Variants in CASQ2 observed in about 807,000 individuals in gnomAD.
CASQ2 encodes the protein calsequestrin 2.
CASQ2 carries 49 observed loss-of-function variants against 46.5 expected under a neutral mutation model. The observed-to-expected ratio is 1.05, with a 90% CI of 0.84 to 1.34. The LOEUF is 1.34. Ranked by LOEUF, CASQ2 falls within the 40% of genes most tolerant of loss-of-function variation. The probability of loss-of-function intolerance (pLI) is 0.00; values close to 1 mark genes in which losing one functional copy is unlikely to be tolerated. For synonymous variants in CASQ2, 174 were observed against 168.5 expected (o/e 1.03, Z -0.25); for missense variants, 486 against 481.3 (o/e 1.01, Z -0.09).
chr1:115,712,612 T>G (rs961223685), intron 8 of CASQ2, among the ~76,000 whole-genome samples: 9 of 152,162 alleles, frequency 5.9e-5, no homozygotes, highest in African/African-American at 1.7e-4. Context: ...GTTAAGTGCT[T>G]GGAATAACAT....
At chr1:115,715,270 C>T (rs4275457) in intron 8 of CASQ2, among the ~76,000 whole-genome samples, 84,616 of 152,024 alleles carry the variant, frequency 0.56, 23,704 homozygotes, top group East Asian at 0.65. Flanking sequence ...CTAGCTTTTT[C>T]TTGAGAGGTG....
intron 9 of CASQ2, 117 bp from the exon 10 acceptor site, chr1:115,703,112 C>T: frequency 1.3e-6 from 1 of 769,820 alleles, no homozygotes; most frequent in Non-Finnish European, 2.3e-6. Flanking sequence ...TTCAAAACAG[C>T]TGTGAGCACT....
At position 115,701,252 on chromosome 1, in the gene CASQ2, C is replaced by G; in HGVS notation, c.1189G>C (p.Asp397His). Residue 397 changes from aspartate to histidine, a missense_variant, in exon 11 of 11, where the codon GAT (aspartate) becomes CAT (histidine). Transcript: ENST00000261448. ...EEDNDDSDDD[D>H]DE ...TGTTTGGAGTTGGGCTATTCATCAT[C>G]ATCGTCATCACTGTCATCATTATCC... is the stretch of plus-strand genomic sequence containing the variant. 1.2e-6 allele frequency: 2 copies of G among 1,611,608 alleles called. No homozygotes were observed. Among genetic ancestry groups the G allele is most frequent in the Non-Finnish European group, 1.7e-6 (2 of 1,177,822 alleles).
chr1:115,701,304 A>G lies in CASQ2; in HGVS notation c.1137T>C (p.Asp379=), dbSNP rs776130201. ...CTTCATCAGAATTATCATCATCATC[A>G]TCATCTTCATCATCATCTTCAGTGT... The part of the protein sequence containing the change: ...KINTEDDDED[D]DDDDNSDEED... Residue 379 remains aspartate (D), a synonymous_variant, in exon 11 of 11, where the codon GAT becomes GAC. Transcript: ENST00000261448. The G allele has an allele frequency of 1.3e-6, 2 of 1,595,644 alleles. No individual in the cohort carries two copies. Among genetic ancestry groups the G allele is most frequent in the East Asian group, 4.5e-5 (2 of 44,786 alleles).
At position 115,754,677 on chromosome 1, in the gene CASQ2, C is replaced by T. The variant is rs141462355; in HGVS notation, c.235-9765G>A. Among the ~76,000 whole-genome samples the T allele has an allele frequency of 8.4e-3, 1,277 of 152,288 alleles. 17 individuals carry two copies. Among genetic ancestry groups the T allele is most frequent in the African/African-American group, 0.028 (1,177 of 41,534 alleles). On this transcript the variant is annotated intron_variant, in intron 1 of 10. Transcript: ENST00000261448. ...CAGAGCCCGAACTTTCATCTGTTAC[C>T]TTTTGTTCCTATACCTGGGCCTCTG...
chr1:115,728,380 CA>C (rs1326604419), intron 5 of CASQ2, among the ~76,000 whole-genome samples: 7 of 152,142 alleles, frequency 4.6e-5, no homozygotes, highest in Admixed American at 1.3e-4. Context: ...CAGCTATAGT[CA>C]GTCAAGGGAG....
intron 1 of CASQ2, among the ~76,000 whole-genome samples, chr1:115,746,365 T>C (rs968212283): frequency 6.6e-6 from 1 of 152,190 alleles, no homozygotes; most frequent in Non-Finnish European, 1.5e-5. Flanking sequence ...AATTGCTGGG[T>C]TGTATGGCAG....
chr1:115,729,119 G>A (rs577603326), intron 5 of CASQ2, among the ~76,000 whole-genome samples: 38 of 139,116 alleles, frequency 2.7e-4, no homozygotes, highest in South Asian at 2.0e-3. Flanking sequence ...GCACAGTCTC[G>A]GCTCACTGCA....
At position 115,725,568 on chromosome 1, in the gene CASQ2, AAAAAAAAAAAAAG is replaced by A; in HGVS notation, c.738-28_738-16del. The stretch of plus-strand genomic sequence containing the variant: ...GTAGAGTGGGTCTGGAAAAAAAAAA[AAAAAAAAAAAAAG>A]AAAGAGCTTCCTTGAGTAGGGATCA... On this transcript the variant is annotated splice_polypyrimidine_tract_variant and intron_variant, in intron 6 of 10. Coordinates refer to ENST00000261448, the MANE Select transcript of CASQ2 (RefSeq NM_001232.4). 1 of 1,602,658 alleles carries A rather than the reference AAAAAAAAAAAAAG, an allele frequency of 6.2e-7. No homozygotes were observed. The highest frequency in any genetic ancestry group is 1.1e-5 in the South Asian group (1 of 89,794).
rs931249746 is a variant in CASQ2, at chr1:115,702,825, G to T, written c.1014+96C>A. On this transcript the variant is annotated intron_variant, in intron 10 of 10. Coordinates refer to ENST00000261448, the MANE Select transcript of CASQ2 (RefSeq NM_001232.4). ...AGGACCCCTGCCCTCTTCTGAAAAGGCTGGGCTACTATAGATGCTCTCACA... is the reference window on the plus strand; with the variant it reads ...AGGACCCCTGCCCTCTTCTGAAAAGTCTGGGCTACTATAGATGCTCTCACA... 6.3e-6 allele frequency: 6 copies of T among 957,656 alleles called. No homozygotes were observed. In the African/African-American group the frequency reaches 8.0e-5, roughly 13 times the overall value. The allele number at this position is 957,656 out of a possible 1,614,324, so 59.3% of individuals were successfully genotyped here. A position where few individuals can be genotyped will look rare whatever the true frequency, so the allele number is the denominator to read the frequency against.
intron 6 of CASQ2, 51 bp from the exon 7 acceptor site, chr1:115,725,604 T>G (rs1333437283): frequency 3.2e-6 from 5 of 1,556,752 alleles, no homozygotes; most frequent in Non-Finnish European, 4.3e-6. Flanking sequence ...TGAGTAGGGA[T>G]CACTGTGGCA....
chr1:115,724,859 A>G (rs1647522599), intron 7 of CASQ2, among the ~76,000 whole-genome samples: 1 of 152,168 alleles, frequency 6.6e-6, no homozygotes, highest in Non-Finnish European at 1.5e-5. Flanking sequence ...CAGATTCTGG[A>G]CTTGAACCCT....
At chr1:115,755,493 A>G (rs1226550739) in intron 1 of CASQ2, among the ~76,000 whole-genome samples, 1 of 152,230 alleles carries the variant, frequency 6.6e-6, no homozygotes, top group Non-Finnish European at 1.5e-5. Flanking sequence ...GAGAGGCCTC[A>G]TGAATGTAAA....
intron 5 of CASQ2, chr1:115,732,081 A>G (rs1647805892): frequency 6.6e-6 from 1 of 151,642 alleles, no homozygotes; most frequent in African/African-American, 2.4e-5. Context: ...CACCCAGCTA[A>G]TTTTTGTATT....
At chr1:115,713,824 T>G (rs1488565159) in intron 8 of CASQ2, among the ~76,000 whole-genome samples, 2 of 152,024 alleles carry the variant, frequency 1.3e-5, no homozygotes, top group Non-Finnish European at 2.9e-5. Flanking sequence ...TGTGATAGGG[T>G]GGACTGTGCA....
Position 115,740,698 on chromosome 1 carries a change from C to T in CASQ2, c.420+30G>A, listed in dbSNP as rs748136871. On this transcript the variant is annotated intron_variant, in intron 3 of 10. Transcript: ENST00000261448. ...CCCTATATTTGAGGAGAGGCAGCTC[C>T]ATGCAGGGTCACTGTGTATAAATAC... 3 of 1,347,078 alleles carry T rather than the reference C, an allele frequency of 2.2e-6. No homozygotes were observed. The East Asian group carries it at 6.9e-5, about 31-fold the overall frequency. 83.4% of individuals were successfully genotyped at this position (1,347,078 alleles called of 1,614,324 possible). A position where few individuals can be genotyped will look rare whatever the true frequency, so the allele number is the denominator to read the frequency against.
At chr1:115,761,054 A>G (rs1376426131) in intron 1 of CASQ2, among the ~76,000 whole-genome samples, 3 of 152,116 alleles carry the variant, frequency 2.0e-5, no homozygotes, top group Admixed American at 6.5e-5. Context: ...TTACACATAG[A>G]TTTTGTAGGT....
intron 1 of CASQ2, among the ~76,000 whole-genome samples, chr1:115,765,616 T>G (rs1570864204): frequency 6.6e-6 from 1 of 152,134 alleles, no homozygotes; most frequent in African/African-American, 2.4e-5. Flanking sequence ...ATTCCCCAAG[T>G]AATAATAATA....
intron 8 of CASQ2, among the ~76,000 whole-genome samples, chr1:115,707,119 T>C (rs1654391671): frequency 2.6e-5 from 4 of 151,856 alleles, no homozygotes; most frequent in Non-Finnish European, 4.4e-5. Flanking sequence ...CAGGCTCCAG[T>C]GATCCTCCTG....
Sources: allele counts gnomAD v4.1 joint callset (sites outside exome capture counted in the v4.1 genomes callset), GRCh38; gene constraint gnomAD v4.1.1; transcripts MANE v1.5; gene names NCBI Gene and HGNC (gene_info 2026-07-23, HGNC 2026-07-21).